INTS15: variants seen among roughly 807,000 people sequenced by gnomAD.
INTS15 encodes uncharacterized protein C7orf26.
At chr7:6,601,895 G>A in the INTS15 span, among the ~76,000 whole-genome samples, 1 of 151,856 alleles carries the variant, frequency 6.6e-6, no homozygotes, top group Non-Finnish European at 1.5e-5. Flanking sequence ...GACCTCGGGT[G>A]ATCCACCCGC....
the INTS15 span, chr7:6,602,336 A>T: frequency 1.8e-6 from 1 of 546,614 alleles, no homozygotes; most frequent in African/African-American, 1.9e-5. Context: ...TCTTGCTGGT[A>T]GTCTGTGAGA....
chr7:6,592,313 C>T, the INTS15 span, among the ~76,000 whole-genome samples: 628 of 152,042 alleles, frequency 4.1e-3, 6 homozygotes, highest in African/African-American at 0.015. Context: ...CTCCTGTAAT[C>T]CCAGCACTTT....
the INTS15 span, among the ~76,000 whole-genome samples, chr7:6,604,277 G>T: frequency 6.6e-6 from 1 of 152,114 alleles, no homozygotes; most frequent in Non-Finnish European, 1.5e-5. Context: ...TCATACCGAT[G>T]CAGTTACTAA....
the INTS15 span, among the ~76,000 whole-genome samples, chr7:6,601,364 C>T: frequency 1.4e-3 from 208 of 151,942 alleles, no homozygotes; most frequent in Non-Finnish European, 2.5e-3. Flanking sequence ...GGTGCGATCT[C>T]GGCTCATTGC....
chr7:6,590,305 C>T, the INTS15 span: 1 of 1,583,634 alleles, frequency 6.3e-7, no homozygotes, highest in Middle Eastern at 2.2e-4. Flanking sequence ...CCGCCACTCG[C>T]TGCTGCGCCG....
chr7:6,590,374 C>G, the INTS15 span: 1 of 1,607,570 alleles, frequency 6.2e-7, no homozygotes, highest in Non-Finnish European at 8.5e-7. Flanking sequence ...CTTCAGCAGC[C>G]AGCTGCAGAG....
At chr7:6,600,493 G>A in the INTS15 span, 3,861 of 942,400 alleles carry the variant, frequency 4.1e-3, 98 homozygotes, top group African/African-American at 0.058. Context: ...GGGGAGGAAG[G>A]TGCCCCAGCC....
chr7:6,596,022 A>C, the INTS15 span, among the ~76,000 whole-genome samples: 1 of 149,678 alleles, frequency 6.7e-6, no homozygotes, highest in Non-Finnish European at 1.5e-5. Context: ...TTGGTCTCCC[A>C]CCAGCCTCCT....
chr7:6,596,376 C>CTTTTTTTTTTT, the INTS15 span, among the ~76,000 whole-genome samples: 1 of 107,894 alleles, frequency 9.3e-6, no homozygotes, highest in Non-Finnish European at 1.9e-5. Context: ...ATCTGTCACC[C>CTTTTTTTTTTT]TTTTTTTTTT....
the INTS15 span, among the ~76,000 whole-genome samples, chr7:6,593,154 G>A: frequency 2.0e-5 from 3 of 152,162 alleles, no homozygotes; most frequent in Non-Finnish European, 4.4e-5. Flanking sequence ...TAGAGGGCGA[G>A]ATAGTGAACT....
At chr7:6,600,214 G>C in the INTS15 span, 1 of 1,614,210 alleles carries the variant, frequency 6.2e-7, no homozygotes, top group Non-Finnish European at 8.5e-7. Flanking sequence ...TCGACCACAT[G>C]GTCCCGCTGG....
chr7:6,607,522 C>T, the INTS15 span: 6 of 1,310,432 alleles, frequency 4.6e-6, no homozygotes, highest in African/African-American at 4.5e-5. The surrounding 1 kb of genome is among the most constrained non-coding windows in gnomAD (Gnocchi z 6.0). Context: ...GCACCGGACT[C>T]ATTCTGAATT....
At chr7:6,605,029 G>A in the INTS15 span, among the ~76,000 whole-genome samples, 1 of 152,120 alleles carries the variant, frequency 6.6e-6, no homozygotes, top group South Asian at 2.1e-4. Flanking sequence ...GTCTCATTGT[G>A]TCACCCAGGC....
At chr7:6,598,601 C>G in the INTS15 span, among the ~76,000 whole-genome samples, 1 of 152,058 alleles carries the variant, frequency 6.6e-6, no homozygotes, top group East Asian at 1.9e-4. Flanking sequence ...GGGCACAGCC[C>G]CAGAGAGAGG....
At chr7:6,598,571 C>T in the INTS15 span, among the ~76,000 whole-genome samples, 1 of 151,728 alleles carries the variant, frequency 6.6e-6, no homozygotes, top group Non-Finnish European at 1.5e-5. Flanking sequence ...CAACAGTTGG[C>T]AGGAATCATC....
At chr7:6,592,942 T>C in the INTS15 span, among the ~76,000 whole-genome samples, 1 of 152,176 alleles carries the variant, frequency 6.6e-6, no homozygotes, top group African/African-American at 2.4e-5. Context: ...ATTTAGCAAG[T>C]ACTGCTGTAA....
chr7:6,590,175 C>T, the INTS15 span: 30 of 995,724 alleles, frequency 3.0e-5, no homozygotes, highest in Middle Eastern at 1.1e-3. Context: ...GGGCGGGTGC[C>T]GCAGCCCAGG....
chr7:6,597,609 T>C, the INTS15 span, among the ~76,000 whole-genome samples: 2 of 152,196 alleles, frequency 1.3e-5, no homozygotes, highest in African/African-American at 2.4e-5. Flanking sequence ...TTTTAAGTCA[T>C]TGGTTATTCC....
chr7:6,600,398 C>A, the INTS15 span: 2 of 1,558,760 alleles, frequency 1.3e-6, no homozygotes, highest in Non-Finnish European at 8.7e-7. Context: ...GCGGGGACAC[C>A]GCCGCCCTGC....
Sources: gnomAD v4.1 joint callset for allele counts (sites outside exome capture counted in the v4.1 genomes callset) on GRCh38, gnomAD v4.1.1 for gene constraint, Gnocchi (gnomAD v3.1) non-coding constraint, MANE v1.5 for transcripts, NCBI Gene and HGNC (gene_info 2026-07-23, HGNC 2026-07-21) for gene names.